The following B3GLCT variants were observed in gnomAD, a reference collection of about 807,000 sequenced individuals.
The protein encoded by B3GLCT is beta-1,3-glucosyltransferase.
In B3GLCT, 65 loss-of-function variants were observed where a neutral mutation model predicts 63.4. The ratio of observed to expected loss-of-function variants is 1.03; its 90% CI spans 0.84 to 1.26. The LOEUF (loss-of-function observed/expected upper bound fraction) is 1.26, where lower values mean the gene tolerates loss of function less well. Among genes scored for constraint, B3GLCT ranks in the 50% most tolerant of loss-of-function variants. B3GLCT has a pLI of 0.00. For synonymous variants in B3GLCT, 233 were observed against 219.2 expected, an observed-to-expected ratio of 1.06 and a Z score of -0.55; for missense variants, 577 against 604.8, an observed-to-expected ratio of 0.95 and a Z score of 0.48.
intron 3 of B3GLCT, among the ~76,000 whole-genome samples, chr13:31,228,686 G>C (rs1340254621): frequency 6.6e-6 from 1 of 152,182 alleles, no homozygotes; most frequent in Non-Finnish European, 1.5e-5. Flanking sequence ...GCTTTAACTT[G>C]ATTACCTCTG....
At chr13:31,298,977 G>A (rs1173045163) in intron 12 of B3GLCT, among the ~76,000 whole-genome samples, 2 of 152,200 alleles carry the variant, frequency 1.3e-5, no homozygotes, top group Non-Finnish European at 2.9e-5. Context: ...TGGTCCTAGG[G>A]CCACTACGTC....
chr13:31,323,698 A>G lies in B3GLCT; in HGVS notation c.1185-53A>G, dbSNP rs1047188338. The stretch of plus-strand genomic sequence containing the variant: ...GTTTCCCGGGGCCCATTTGTGCAGC[A>G]GCGGTGTCTGTGGAGCTTCTCTAAC... On this transcript the variant is annotated intron_variant, in intron 13 of 14. Transcript: ENST00000343307. The G allele has an allele frequency of 2.5e-5, 41 of 1,608,634 alleles. No individual in the cohort carries two copies. In the African/African-American group the frequency reaches 5.3e-4, roughly 21 times the overall value.
chr13:31,231,469 C>G (rs1191359082), intron 4 of B3GLCT, among the ~76,000 whole-genome samples: 1 of 152,168 alleles, frequency 6.6e-6, no homozygotes, highest in Non-Finnish European at 1.5e-5. Context: ...ACCAGTGGTC[C>G]TTTCCATGGA....
intron 2 of B3GLCT, among the ~76,000 whole-genome samples, chr13:31,220,744 G>A (rs2137755123): frequency 6.6e-6 from 1 of 152,288 alleles, no homozygotes; most frequent in East Asian, 1.9e-4. Flanking sequence ...TATTGTGTCA[G>A]TCAACAGAGC....
intron 4 of B3GLCT, among the ~76,000 whole-genome samples, chr13:31,238,345 G>C (rs2137789469): frequency 6.6e-6 from 1 of 152,294 alleles, no homozygotes; most frequent in Non-Finnish European, 1.5e-5. Flanking sequence ...GAGTTAAACT[G>C]TTTCCCTTGT....
intron 1 of B3GLCT, among the ~76,000 whole-genome samples, chr13:31,203,855 A>G (rs76399070): frequency 5.3e-5 from 8 of 152,124 alleles, no homozygotes; most frequent in African/African-American, 9.7e-5. Flanking sequence ...TCACTAAGCA[A>G]CTCCCAAAGA....
At chr13:31,268,974 A>C (rs558388050) in intron 7 of B3GLCT, among the ~76,000 whole-genome samples, 1 of 152,302 alleles carries the variant, frequency 6.6e-6, no homozygotes, top group South Asian at 2.1e-4. Flanking sequence ...ATTGTATTGT[A>C]CGTTGTTTGG....
chr13:31,261,117 A>C, intron 7 of B3GLCT, 35 bp downstream of exon 7: 5 of 1,557,438 alleles, frequency 3.2e-6, no homozygotes, highest in Non-Finnish European at 3.5e-6. Context: ...GGGGGGCGGG[A>C]GGGGTGTGCA....
chr13:31,291,847 C>G (rs983075332), intron 12 of B3GLCT, among the ~76,000 whole-genome samples: 5 of 152,154 alleles, frequency 3.3e-5, no homozygotes, highest in Admixed American at 1.3e-4. Context: ...ACTTCCAATA[C>G]TGTGTTGAAT....
Position 31,225,439 on chromosome 13 carries a change from T to C in B3GLCT, c.160+2448T>C, listed in dbSNP as rs1433079907. Among the ~76,000 whole-genome samples the C allele has an allele frequency of 2.6e-5, 4 of 152,234 alleles. No individual in the cohort carries two copies. In the South Asian group the frequency reaches 6.2e-4, roughly 24 times the overall value. On this transcript the variant is annotated intron_variant, in intron 3 of 14. Coordinates refer to ENST00000343307, the MANE Select transcript of B3GLCT (RefSeq NM_194318.4). ...GTGAAGGGATGGCTTAGGCTGTATGTCAGAAAATATTTCTTGGTACTGCTA... is the reference window on the plus strand; with the variant it reads ...GTGAAGGGATGGCTTAGGCTGTATGCCAGAAAATATTTCTTGGTACTGCTA...
chr13:31,232,486 C>T lies in B3GLCT; in HGVS notation c.270+3192C>T, dbSNP rs147122554. ...ATCTCTCAATAACTCACTCTCCTCA[C>T]GACAGTACCAAGGGGGATGATGTTA... On this transcript the variant is annotated intron_variant, in intron 4 of 14. Coordinates refer to ENST00000343307, the MANE Select transcript of B3GLCT (RefSeq NM_194318.4). 4.9e-3 allele frequency among the ~76,000 whole-genome samples: 743 copies of T among 152,214 alleles called. 9 individuals are homozygous for T. Among genetic ancestry groups the T allele is most frequent in the South Asian group, 0.034 (165 of 4,814 alleles).
intron 9 of B3GLCT, among the ~76,000 whole-genome samples, chr13:31,275,676 C>T (rs2137078): frequency 6.6e-6 from 1 of 152,152 alleles, no homozygotes; most frequent in Non-Finnish European, 1.5e-5. Context: ...AGGTTGTTAA[C>T]AGCTTTTCTC....
intron 4 of B3GLCT, among the ~76,000 whole-genome samples, chr13:31,237,905 G>A (rs1870739582): frequency 1.3e-5 from 2 of 152,202 alleles, no homozygotes; most frequent in Admixed American, 1.3e-4. Context: ...CATGAAGGTT[G>A]CAGTTTTGGT....
At chr13:31,312,624 G>C (rs1874777056) in intron 12 of B3GLCT, 2 of 152,178 alleles carry the variant, frequency 1.3e-5, no homozygotes, top group African/African-American at 2.4e-5. Context: ...GACACAAGCA[G>C]CATCTTGAGA....
intron 7 of B3GLCT, among the ~76,000 whole-genome samples, chr13:31,267,554 T>A (rs1430255218): frequency 6.6e-6 from 1 of 152,220 alleles, no homozygotes; most frequent in Non-Finnish European, 1.5e-5. Context: ...AGTCTCTCAG[T>A]CCACCCCACT....
At chr13:31,206,906 G>C (rs1041751607) in intron 1 of B3GLCT, among the ~76,000 whole-genome samples, 7 of 152,172 alleles carry the variant, frequency 4.6e-5, no homozygotes, top group Admixed American at 1.3e-4. Flanking sequence ...TCTGTCTCAG[G>C]CTCCAGGATC....
chr13:31,231,460 C>T, intron 4 of B3GLCT, among the ~76,000 whole-genome samples: 1 of 152,180 alleles, frequency 6.6e-6, no homozygotes, highest in Non-Finnish European at 1.5e-5. Context: ...TTAATCCATA[C>T]CAGTGGTCCT....
intron 8 of B3GLCT, among the ~76,000 whole-genome samples, chr13:31,272,218 C>CTTTT (rs11433454): frequency 3.4e-4 from 46 of 136,238 alleles, no homozygotes; most frequent in African/African-American, 1.2e-3. Flanking sequence ...TCTATTTTTC[C>CTTTT]TTTTTTTTTT....
intron 6 of B3GLCT, among the ~76,000 whole-genome samples, chr13:31,258,673 A>G (rs1478380320): frequency 1.3e-5 from 2 of 152,154 alleles, no homozygotes; most frequent in African/African-American, 4.8e-5. Context: ...AAACATGTAT[A>G]CTGTCTCCCT....
Sources: gnomAD v4.1 joint callset for allele counts (sites outside exome capture counted in the v4.1 genomes callset) on GRCh38, gnomAD v4.1.1 for gene constraint, MANE v1.5 for transcripts, NCBI Gene and HGNC (gene_info 2026-07-23, HGNC 2026-07-21) for gene names.